RNF145: variants seen among roughly 807,000 people sequenced by gnomAD.
The protein encoded by RNF145 is ring finger protein 145.
In RNF145, 12 loss-of-function variants were observed where a neutral mutation model predicts 57.3. The observed-to-expected ratio is 0.21, with a 90% CI of 0.13 to 0.34. RNF145 has a LOEUF of 0.34. Among genes scored for constraint, RNF145 ranks in the 10% least tolerant of loss-of-function variants. The probability of loss-of-function intolerance (pLI) is 1.00; values close to 1 mark genes in which losing one functional copy is unlikely to be tolerated. For missense variants in RNF145, 429 were observed against 799.0 expected (o/e 0.54, Z 5.58); for synonymous variants, 262 against 288.3 (o/e 0.91, Z 0.92).
chr5:159,187,820 A>C (rs1168315397), intron 3 of RNF145, among the ~76,000 whole-genome samples: 1 of 152,160 alleles, frequency 6.6e-6, no homozygotes, highest in Admixed American at 6.5e-5. Flanking sequence ...TGCCCAAAAT[A>C]CTAGTATCCC....
At chr5:159,181,872 T>C (rs34175829) in intron 4 of RNF145, 88 bp downstream of exon 4, 117,225 of 759,254 alleles carry the variant, frequency 0.15, 9,808 homozygotes, top group Non-Finnish European at 0.18. Flanking sequence ...AGAATTCCGT[T>C]TTAAAAAAAA....
At chr5:159,162,656 G>A (rs1365526996) in intron 9 of RNF145, among the ~76,000 whole-genome samples, 1 of 150,994 alleles carries the variant, frequency 6.6e-6, no homozygotes, top group Non-Finnish European at 1.5e-5. Context: ...GGATGGTCTC[G>A]ATCTCCTGAC....
At chr5:159,200,271 AG>A (rs1785616884) in intron 2 of RNF145, among the ~76,000 whole-genome samples, 1 of 152,230 alleles carries the variant, frequency 6.6e-6, no homozygotes, top group African/African-American at 2.4e-5. Context: ...AAAAGCTCAG[AG>A]GAGGAAATAA....
At chr5:159,186,959 G>A (rs1785084497) in intron 3 of RNF145, among the ~76,000 whole-genome samples, 1 of 151,830 alleles carries the variant, frequency 6.6e-6, no homozygotes, top group Non-Finnish European at 1.5e-5. Flanking sequence ...CTCCAGCCTG[G>A]GCAACAGAGC....
intron 3 of RNF145, among the ~76,000 whole-genome samples, chr5:159,191,529 G>A (rs192123399): frequency 8.2e-4 from 125 of 152,152 alleles, no homozygotes; most frequent in Non-Finnish European, 1.4e-3. Flanking sequence ...ACGATGGTTC[G>A]TGCCTGTAAT....
chr5:159,191,079 CAAAA>C (rs545613338), intron 3 of RNF145, among the ~76,000 whole-genome samples: 11 of 61,306 alleles, frequency 1.8e-4, no homozygotes, highest in Admixed American at 1.8e-4. Flanking sequence ...AGCTGATGAG[CAAAA>C]AAAAAAAAAA....
intron 3 of RNF145, among the ~76,000 whole-genome samples, chr5:159,187,020 C>T (rs1464445829): frequency 6.6e-6 from 1 of 150,406 alleles, no homozygotes; most frequent in Non-Finnish European, 1.5e-5. Flanking sequence ...GTAGCTCATG[C>T]CTGTAATCCC....
chr5:159,164,849 C>T (rs542221111), intron 8 of RNF145, among the ~76,000 whole-genome samples: 2 of 152,306 alleles, frequency 1.3e-5, no homozygotes, highest in South Asian at 2.1e-4. Flanking sequence ...AACTAACTCA[C>T]ACATCCTCCT....
chr5:159,193,430 G>A (rs189002695), intron 3 of RNF145, among the ~76,000 whole-genome samples: 1 of 152,248 alleles, frequency 6.6e-6, no homozygotes, highest in Non-Finnish European at 1.5e-5. Context: ...AAGCTTCTGG[G>A]AAACACCCTG....
chr5:159,204,088 T>G (rs1020158542), intron 1 of RNF145, among the ~76,000 whole-genome samples: 1 of 152,254 alleles, frequency 6.6e-6, no homozygotes, highest in East Asian at 1.9e-4. Context: ...AAAAACTTGA[T>G]AACTGCACGT....
rs553271660 is a variant in RNF145 at position 159,180,510 on chromosome 5, T to C, written c.385+1450A>G. On this transcript the variant is annotated intron_variant, in intron 4 of 10. Coordinates refer to ENST00000424310, the MANE Select transcript of RNF145 (RefSeq NM_001199383.2). ...TATCAGAAGATACAGGAAAACCCTATAAGGCATTTTCATTCCACAGTCAAA... is the reference window on the plus strand; with the variant it reads ...TATCAGAAGATACAGGAAAACCCTACAAGGCATTTTCATTCCACAGTCAAA... Among the ~76,000 whole-genome samples, 9 of 152,204 alleles carry C rather than the reference T, an allele frequency of 5.9e-5. No homozygotes were observed. In the South Asian group the frequency reaches 1.5e-3, roughly 25 times the overall value.
At position 159,209,275 on chromosome 5, in the gene RNF145, G is replaced by T; in HGVS notation, c.-84C>A. The T allele has an allele frequency of 1.0e-6, 1 of 985,352 alleles. No homozygotes were observed. The highest frequency in any genetic ancestry group is 1.2e-6 in the Non-Finnish European group (1 of 829,850). 61.0% of individuals were successfully genotyped at this position (985,352 alleles called of 1,614,324 possible). A position where few individuals can be genotyped will look rare whatever the true frequency, so the allele number is the denominator to read the frequency against. ...CCCTGGGGAGCGGCGCTGCCGGCGG[G>T]CGGGCTCCGCAACTCCCCGGCTCTC... On this transcript the variant is annotated 5_prime_UTR_variant, in exon 1 of 11. Transcript: ENST00000424310.
At chr5:159,192,672 T>C (rs989758253) in intron 3 of RNF145, among the ~76,000 whole-genome samples, 2 of 152,354 alleles carry the variant, frequency 1.3e-5, no homozygotes, top group South Asian at 2.1e-4. Context: ...TTATATACCT[T>C]ATCTTATTTG....
chr5:159,199,116 G>A (rs1038297401), intron 2 of RNF145, among the ~76,000 whole-genome samples: 1 of 152,176 alleles, frequency 6.6e-6, no homozygotes, highest in African/African-American at 2.4e-5. Context: ...ATAAGCATAT[G>A]GACCCTTAGA....
At chr5:159,203,406 G>A in intron 2 of RNF145, 28 bp downstream of exon 2, 3 of 1,458,674 alleles carry the variant, frequency 2.1e-6, no homozygotes, top group Non-Finnish European at 2.9e-6. Flanking sequence ...CTCACTAGAA[G>A]ATTAGAAAAT....
At chr5:159,194,464 C>A (rs1274805188) in intron 3 of RNF145, among the ~76,000 whole-genome samples, 1 of 152,168 alleles carries the variant, frequency 6.6e-6, no homozygotes, top group Non-Finnish European at 1.5e-5. Context: ...CCACGCCCAG[C>A]CAGTTCAAGG....
intron 2 of RNF145, among the ~76,000 whole-genome samples, chr5:159,202,911 G>A (rs1400204872): frequency 6.7e-6 from 1 of 149,740 alleles, no homozygotes; most frequent in African/African-American, 2.5e-5. Context: ...TCTTGAAAGG[G>A]GATTCAAGCA....
At chr5:159,166,421 ACAGT>A in intron 8 of RNF145, among the ~76,000 whole-genome samples, 1 of 152,240 alleles carries the variant, frequency 6.6e-6, no homozygotes, top group Admixed American at 6.5e-5. Flanking sequence ...TCAGTCTTCC[ACAGT>A]CAGTTCTGTC....
At chr5:159,206,961 C>CA (rs34238590) in intron 1 of RNF145, among the ~76,000 whole-genome samples, 21,253 of 140,222 alleles carry the variant, frequency 0.15, 1,600 homozygotes, top group South Asian at 0.21. Context: ...AAAAACAAAC[C>CA]AAAAAAAAAA....
Sources: allele counts gnomAD v4.1 joint callset (sites outside exome capture counted in the v4.1 genomes callset), GRCh38; gene constraint gnomAD v4.1.1; transcripts MANE v1.5; gene names NCBI Gene and HGNC (gene_info 2026-07-23, HGNC 2026-07-21).